The following CDH6 variants were observed in gnomAD, a reference collection of about 807,000 sequenced individuals.
CDH6 encodes cadherin-6.
A neutral mutation model predicts 78.0 loss-of-function variants in CDH6; 31 were observed. The observed-to-expected ratio is 0.40, with a 90% CI of 0.30 to 0.54. The LOEUF (loss-of-function observed/expected upper bound fraction) is 0.54. Ranked by LOEUF, CDH6 falls within the 20% of genes least tolerant of loss-of-function variation. The pLI is 0.56. For missense variants in CDH6, 724 were observed against 975.9 expected, an observed-to-expected ratio of 0.74 and a Z score of 3.44; for synonymous variants, 376 against 368.8, an observed-to-expected ratio of 1.02 and a Z score of -0.23.
intron 2 of CDH6, among the ~76,000 whole-genome samples, chr5:31,271,367 T>TA (rs763696941): frequency 1.3e-5 from 2 of 152,080 alleles, no homozygotes; most frequent in Admixed American, 6.6e-5. Flanking sequence ...GATGGTGCTT[T>TA]ACAACTGAAG....
chr5:31,203,669 C>A (rs1740434251), intron 1 of CDH6, among the ~76,000 whole-genome samples: 1 of 151,602 alleles, frequency 6.6e-6, no homozygotes, highest in Non-Finnish European at 1.5e-5. Flanking sequence ...TGGGTTGGTT[C>A]CAAGTCTTTG....
chr5:31,236,918 G>A (rs1741469118), intron 1 of CDH6, among the ~76,000 whole-genome samples: 1 of 152,034 alleles, frequency 6.6e-6, no homozygotes, highest in Non-Finnish European at 1.5e-5. Flanking sequence ...GGAGTGCTGT[G>A]GAATCATGCT....
intron 1 of CDH6, among the ~76,000 whole-genome samples, chr5:31,248,040 G>T (rs1324018937): frequency 6.6e-6 from 1 of 152,128 alleles, no homozygotes; most frequent in African/African-American, 2.4e-5. Flanking sequence ...GTAAATGAAG[G>T]TGCCTAGCCA....
chr5:31,305,464 TTCAG>T (rs772918111), intron 7 of CDH6, 37 bp downstream of exon 7: 2 of 1,579,114 alleles, frequency 1.3e-6, no homozygotes, highest in African/African-American at 1.4e-5. Context: ...TTTCATAAGC[TTCAG>T]TCAATTTATA....
intron 1 of CDH6, among the ~76,000 whole-genome samples, chr5:31,228,993 TAG>T (rs1424405010): frequency 6.6e-6 from 1 of 152,268 alleles, no homozygotes; most frequent in East Asian, 1.9e-4. Flanking sequence ...TATATAATGA[TAG>T]ACTCTTAGTA....
chr5:31,322,355 A>G (rs1738495436), intron 11 of CDH6, among the ~76,000 whole-genome samples: 1 of 151,830 alleles, frequency 6.6e-6, no homozygotes, highest in Admixed American at 6.6e-5. Flanking sequence ...AAAAAGGCAT[A>G]GCGCAAAAGT....
rs2111847821 is a variant in CDH6 at position 31,228,826 on chromosome 5, C to T, written c.-129+34940C>T. Among the ~76,000 whole-genome samples the T allele has an allele frequency of 2.0e-5, 3 of 152,334 alleles. No homozygotes were observed. The South Asian group carries it at 6.2e-4, about 32-fold the overall frequency. ...CACCTCCTGCTGTGTGGCCGGGTTC[C>T]TAACAGGCTGCAGACTGGTACTGGT... On this transcript the variant is annotated intron_variant, in intron 1 of 11. Coordinates refer to ENST00000265071, the MANE Select transcript of CDH6 (RefSeq NM_004932.4).
intron 1 of CDH6, among the ~76,000 whole-genome samples, chr5:31,232,132 A>C (rs1399216072): frequency 2.6e-5 from 4 of 152,142 alleles, no homozygotes; most frequent in Non-Finnish European, 4.4e-5. Context: ...TTAATTAGAA[A>C]TGGTTAATTT....
chr5:31,201,518 T>G (rs1740348607), intron 1 of CDH6, among the ~76,000 whole-genome samples: 1 of 152,212 alleles, frequency 6.6e-6, no homozygotes, highest in African/African-American at 2.4e-5. Context: ...AATCAGACAG[T>G]AACCTTCCCA....
intron 1 of CDH6, among the ~76,000 whole-genome samples, chr5:31,265,735 T>C (rs1460070095): frequency 1.3e-5 from 2 of 151,876 alleles, no homozygotes; most frequent in African/African-American, 4.8e-5. Flanking sequence ...ACTTCCTTTT[T>C]GTTGTTGTTG....
intron 1 of CDH6, among the ~76,000 whole-genome samples, chr5:31,255,852 C>T (rs573590478): frequency 6.6e-6 from 1 of 152,324 alleles, no homozygotes; most frequent in South Asian, 2.1e-4. Context: ...TTACATAAAA[C>T]ATATTGAATG....
chr5:31,317,645 C>T, intron 10 of CDH6, 28 bp from the exon 11 acceptor site: 1 of 1,598,664 alleles, frequency 6.3e-7, no homozygotes, highest in South Asian at 1.1e-5. Context: ...TATCCACATA[C>T]ATTCACCACT....
chr5:31,201,725 G>A (rs1390971699), intron 1 of CDH6, among the ~76,000 whole-genome samples: 1 of 152,160 alleles, frequency 6.6e-6, no homozygotes, highest in East Asian at 1.9e-4. Context: ...ACATCATGTT[G>A]AGAAATGATT....
rs190316567 is a variant in CDH6 at position 31,287,455 on chromosome 5, G to A, written c.229-6507G>A. The stretch of plus-strand genomic sequence containing the variant: ...TTATTGAAGGTTTTCTCTGAGGTAG[G>A]CCCTCTACTAAGCATCTTACATACA... On this transcript the variant is annotated intron_variant, in intron 2 of 11. Coordinates refer to ENST00000265071, the MANE Select transcript of CDH6 (RefSeq NM_004932.4). Among the ~76,000 whole-genome samples the A allele has an allele frequency of 2.6e-5, 4 of 152,178 alleles. No homozygotes were observed. In the East Asian group the frequency reaches 7.7e-4, roughly 29 times the overall value.
At chr5:31,206,918 T>C (rs895014914) in intron 1 of CDH6, among the ~76,000 whole-genome samples, 1 of 152,176 alleles carries the variant, frequency 6.6e-6, no homozygotes, top group African/African-American at 2.4e-5. Context: ...CATGGTTTTA[T>C]ATTTTTGACG....
chr5:31,238,289 G>T (rs2111869287), intron 1 of CDH6, among the ~76,000 whole-genome samples: 1 of 152,262 alleles, frequency 6.6e-6, no homozygotes, highest in East Asian at 1.9e-4. Context: ...CAATGGGAGA[G>T]CCAGAATAAT....
intron 1 of CDH6, among the ~76,000 whole-genome samples, chr5:31,248,297 G>A (rs1023144605): frequency 6.6e-6 from 1 of 152,162 alleles, no homozygotes; most frequent in African/African-American, 2.4e-5. Flanking sequence ...TGACTTGGGG[G>A]AAGCAAAACC....
chr5:31,280,565 TTAAGTTATTA>T (rs1742833916), intron 2 of CDH6, among the ~76,000 whole-genome samples: 2 of 152,152 alleles, frequency 1.3e-5, no homozygotes, highest in Admixed American at 1.3e-4. Flanking sequence ...TATCACATTA[TTAAGTTATTA>T]AAGTAGCAGA....
intron 2 of CDH6, among the ~76,000 whole-genome samples, chr5:31,292,824 T>TATATATATATATATATATATGTGTGC (rs1737426736): frequency 1.6e-4 from 4 of 25,284 alleles, no homozygotes; most frequent in African/African-American, 3.4e-4. Flanking sequence ...TATGTGTGCA[T>TATATATATATATATATATATGTGTGC]ATATATATAT....
Sources: gnomAD v4.1 joint callset for allele counts (sites outside exome capture counted in the v4.1 genomes callset) on GRCh38, gnomAD v4.1.1 for gene constraint, MANE v1.5 for transcripts, NCBI Gene and HGNC (gene_info 2026-07-23, HGNC 2026-07-21) for gene names.